SPHKAP: variants seen among roughly 807,000 people sequenced by gnomAD.
The protein encoded by SPHKAP is A-kinase anchor protein SPHKAP.
A neutral mutation model predicts 137.5 loss-of-function variants in SPHKAP; 67 were observed. That is an observed-to-expected ratio of 0.49 (90% CI 0.40 to 0.60). The LOEUF is 0.60. Among genes scored for constraint, SPHKAP ranks in the 20% least tolerant of loss-of-function variants. The pLI is 0.00. For missense variants in SPHKAP, 2,097 were observed against 2,069.3 expected (o/e 1.01, Z -0.26); for synonymous variants, 813 against 785.3 (o/e 1.04, Z -0.59).
At chr2:228,062,080 T>A (rs1257773270) in intron 3 of SPHKAP, among the ~76,000 whole-genome samples, 1 of 152,122 alleles carries the variant, frequency 6.6e-6, no homozygotes, top group Non-Finnish European at 1.5e-5. Flanking sequence ...CCCAGATTTT[T>A]GGCTCAAGAA....
chr2:228,063,207 TC>T (rs1341185064), intron 3 of SPHKAP, among the ~76,000 whole-genome samples: 6 of 151,988 alleles, frequency 3.9e-5, no homozygotes, highest in African/African-American at 7.2e-5. Flanking sequence ...TATCTATCTA[TC>T]TATTTACCTG....
intron 1 of SPHKAP, among the ~76,000 whole-genome samples, chr2:228,143,739 C>T (rs1253408781): frequency 2.0e-5 from 3 of 147,860 alleles, no homozygotes; most frequent in Non-Finnish European, 4.5e-5. Context: ...CTCCTGACCT[C>T]AGATGATCTG....
intron 7 of SPHKAP, among the ~76,000 whole-genome samples, chr2:227,996,671 G>T (rs758314509): frequency 6.6e-6 from 1 of 152,042 alleles, no homozygotes; most frequent in East Asian, 1.9e-4. Flanking sequence ...CATCTAAAAC[G>T]AATTCTAATT....
At chr2:228,024,361 T>TCAAA (rs1553614222) in intron 5 of SPHKAP, among the ~76,000 whole-genome samples, 2 of 145,118 alleles carry the variant, frequency 1.4e-5, no homozygotes, top group African/African-American at 2.5e-5. Flanking sequence ...TTTTTTTTTT[T>TCAAA]AAATCTGTGA....
At chr2:228,047,040 C>T (rs1250694429) in intron 3 of SPHKAP, among the ~76,000 whole-genome samples, 1 of 152,110 alleles carries the variant, frequency 6.6e-6, no homozygotes, top group Non-Finnish European at 1.5e-5. Flanking sequence ...GTATCAGTAC[C>T]TGAATGAGAT....
chr2:228,019,573 A>G lies in SPHKAP; in HGVS notation c.1281T>C (p.Ser427=). ...ESAVSVSVGS[S]LLPSCYSTKD... ...TTGTGGAATAGCAACTGGGAAGCAG[A>G]GAACTTCCTACAGAAACACTGACTG... Residue 427 remains serine (S), a synonymous_variant, in exon 7 of 12, where the codon TCT becomes TCC. Coordinates refer to ENST00000392056, the MANE Select transcript of SPHKAP (RefSeq NM_001142644.2). 1 of 1,614,176 alleles carries G rather than the reference A, an allele frequency of 6.2e-7. No individual in the cohort carries two copies. The highest frequency in any genetic ancestry group is 8.5e-7 in the Non-Finnish European group (1 of 1,179,998).
At chr2:228,014,666 A>G (rs2106203566) in intron 7 of SPHKAP, among the ~76,000 whole-genome samples, 1 of 152,336 alleles carries the variant, frequency 6.6e-6, no homozygotes. Context: ...CCACACCAGT[A>G]ATGATGTCCT....
At chr2:228,045,419 TA>T (rs1167206034) in intron 3 of SPHKAP, among the ~76,000 whole-genome samples, 1 of 132,162 alleles carries the variant, frequency 7.6e-6, no homozygotes, top group East Asian at 2.1e-4. Context: ...TATGCAGCCA[TA>T]AAAAATGAAG....
chr2:228,153,025 CCTTTCA>C (rs1197799063), intron 1 of SPHKAP, among the ~76,000 whole-genome samples: 1 of 152,094 alleles, frequency 6.6e-6, no homozygotes, highest in African/African-American at 2.4e-5. Flanking sequence ...AGGGGTTTCC[CCTTTCA>C]CTTGGCTCTC....
At chr2:228,044,481 G>A (rs1695958907) in intron 3 of SPHKAP, among the ~76,000 whole-genome samples, 1 of 152,008 alleles carries the variant, frequency 6.6e-6, no homozygotes, top group Non-Finnish European at 1.5e-5. Context: ...TTTAGCCCAA[G>A]GCATGTATCT....
At chr2:228,136,475 T>C (rs924039548) in intron 1 of SPHKAP, among the ~76,000 whole-genome samples, 1 of 152,196 alleles carries the variant, frequency 6.6e-6, no homozygotes, top group Non-Finnish European at 1.5e-5. Context: ...CTGCAGTGAC[T>C]CATGCAGTAT....
chr2:228,034,664 T>C (rs1225250246), intron 3 of SPHKAP, among the ~76,000 whole-genome samples: 1 of 152,094 alleles, frequency 6.6e-6, no homozygotes, highest in African/African-American at 2.4e-5. Flanking sequence ...CAGCAGCACA[T>C]CAAAAAGCTT....
At chr2:228,004,844 A>G (rs1392375509) in intron 7 of SPHKAP, among the ~76,000 whole-genome samples, 1 of 152,036 alleles carries the variant, frequency 6.6e-6, no homozygotes. Context: ...CACGTTGTTC[A>G]GTTTCCATGT....
At chr2:228,138,308 A>T (rs1306563192) in intron 1 of SPHKAP, among the ~76,000 whole-genome samples, 1 of 152,168 alleles carries the variant, frequency 6.6e-6, no homozygotes, top group Non-Finnish European at 1.5e-5. Context: ...TCCTTGCTGT[A>T]TTAGGAGTTA....
intron 3 of SPHKAP, among the ~76,000 whole-genome samples, chr2:228,089,343 C>A (rs1438907960): frequency 6.6e-6 from 1 of 152,142 alleles, no homozygotes; most frequent in East Asian, 1.9e-4. Context: ...TTGTGAGGAG[C>A]AAAGTGTTCA....
chr2:228,097,754 G>A (rs1468812394), intron 3 of SPHKAP, among the ~76,000 whole-genome samples: 1 of 152,170 alleles, frequency 6.6e-6, no homozygotes, highest in Admixed American at 6.5e-5. Flanking sequence ...GTGACAACAT[G>A]TGGTAGTTAG....
chr2:228,000,176 C>A (rs1056808037), intron 7 of SPHKAP, among the ~76,000 whole-genome samples: 1 of 152,150 alleles, frequency 6.6e-6, no homozygotes, highest in African/African-American at 2.4e-5. Flanking sequence ...TAGCATGTAG[C>A]GTCTTAAGAT....
Position 227,990,914 on chromosome 2 carries a change from G to C in SPHKAP, c.4959+86C>G, listed in dbSNP as rs1250667464. 4 of 1,339,336 alleles carry C rather than the reference G, an allele frequency of 3.0e-6. No homozygotes were observed. In the African/African-American group the frequency reaches 4.3e-5, roughly 15 times the overall value. 83.0% of individuals were successfully genotyped at this position (1,339,336 alleles called of 1,614,324 possible). A position where few individuals can be genotyped will look rare whatever the true frequency, so the allele number is the denominator to read the frequency against. ...CAGTCAGGATCAAATAATTCAAATG[G>C]ACAGGGGTTTACTGAGCATTTACTG... On this transcript the variant is annotated intron_variant, in intron 11 of 11. Transcript: ENST00000392056.
At chr2:228,042,991 G>A (rs756641431) in intron 3 of SPHKAP, among the ~76,000 whole-genome samples, 5 of 152,084 alleles carry the variant, frequency 3.3e-5, no homozygotes, top group East Asian at 1.9e-4. Flanking sequence ...CAAGAGATGC[G>A]CAATAGGTAT....
Sources: allele counts gnomAD v4.1 joint callset (sites outside exome capture counted in the v4.1 genomes callset), GRCh38; gene constraint gnomAD v4.1.1; transcripts MANE v1.5; gene names NCBI Gene and HGNC (gene_info 2026-07-23, HGNC 2026-07-21).